Variants in ZNF569 observed in about 807,000 individuals in gnomAD.
ZNF569 encodes the protein zinc finger protein 569.
ZNF569 carries 38 observed loss-of-function variants against 56.3 expected under a neutral mutation model. That is an observed-to-expected ratio of 0.68 (90% CI 0.52 to 0.88). The LOEUF is 0.88. Ranked by LOEUF, ZNF569 falls within the 40% of genes least tolerant of loss-of-function variation. The pLI, the probability that ZNF569 is intolerant of heterozygous loss-of-function variation, is 0.00. For synonymous variants in ZNF569, 241 were observed against 262.9 expected (o/e 0.92, Z 0.81); for missense variants, 666 against 809.2 (o/e 0.82, Z 2.15).
At chr19:37,424,080 A>G (rs924447231) in intron 5 of ZNF569, among the ~76,000 whole-genome samples, 3 of 152,162 alleles carry the variant, frequency 2.0e-5, no homozygotes, top group Non-Finnish European at 4.4e-5. Flanking sequence ...AGAAAATGGG[A>G]GCTACCAAAA....
At chr19:37,461,230 A>G (rs1216894159) in intron 2 of ZNF569, among the ~76,000 whole-genome samples, 2 of 152,130 alleles carry the variant, frequency 1.3e-5, no homozygotes, top group East Asian at 3.8e-4. Flanking sequence ...TAATGGGTCT[A>G]GTTAGTAATC....
intron 3 of ZNF569, among the ~76,000 whole-genome samples, chr19:37,432,860 C>T (rs1439416807): frequency 1.3e-5 from 2 of 148,984 alleles, no homozygotes; most frequent in Non-Finnish European, 1.5e-5. Flanking sequence ...AGCCGAAATT[C>T]TGGAGCTGAA....
chr19:37,421,739 G>A (rs2041038979), intron 5 of ZNF569, among the ~76,000 whole-genome samples: 2 of 146,216 alleles, frequency 1.4e-5, no homozygotes, highest in South Asian at 4.3e-4. Flanking sequence ...ATACTGTAGT[G>A]GCACTTTTTT....
chr19:37,469,134 G>A (rs2041906324), upstream of ZNF569: 3 of 1,109,032 alleles, frequency 2.7e-6, no homozygotes, highest in South Asian at 2.6e-5. Flanking sequence ...GAGCTGCAGG[G>A]AATCCGGACT....
intron 5 of ZNF569, among the ~76,000 whole-genome samples, chr19:37,416,707 G>A (rs968341353): frequency 6.6e-6 from 1 of 151,768 alleles, no homozygotes; most frequent in Non-Finnish European, 1.5e-5. Context: ...TTTTCAATTT[G>A]TAGTTGCAGA....
intron 5 of ZNF569, among the ~76,000 whole-genome samples, chr19:37,414,803 C>T (rs1333734291): frequency 4.6e-5 from 7 of 152,204 alleles, no homozygotes; most frequent in Non-Finnish European, 8.8e-5. Context: ...TATTAAAATA[C>T]ATTTTTATAA....
chr19:37,443,943 G>A (rs533876826), intron 3 of ZNF569, among the ~76,000 whole-genome samples: 9 of 152,006 alleles, frequency 5.9e-5, no homozygotes, highest in East Asian at 1.9e-4. Context: ...ACTTGAACCC[G>A]GGAGGCAGAG....
intron 5 of ZNF569, among the ~76,000 whole-genome samples, chr19:37,419,797 TTAA>T (rs2040999448): frequency 6.6e-6 from 1 of 152,044 alleles, no homozygotes; most frequent in African/African-American, 2.4e-5. Flanking sequence ...AATGTACACC[TTAA>T]TTTTAAAATA....
chr19:37,458,420 C>T (rs1024653869), intron 2 of ZNF569, among the ~76,000 whole-genome samples: 3 of 152,192 alleles, frequency 2.0e-5, no homozygotes, highest in Non-Finnish European at 2.9e-5. Context: ...CTGTATATTA[C>T]GTTTCCATGC....
intron 5 of ZNF569, among the ~76,000 whole-genome samples, chr19:37,418,058 G>T (rs772861361): frequency 1.3e-5 from 2 of 151,316 alleles, no homozygotes; most frequent in African/African-American, 4.9e-5. Flanking sequence ...CCAAGATCGC[G>T]CCACTGTACT....
chr19:37,416,568 A>C (rs570427448), intron 5 of ZNF569, among the ~76,000 whole-genome samples: 24 of 152,262 alleles, frequency 1.6e-4, no homozygotes, highest in African/African-American at 5.5e-4. Context: ...ACTTTAAATA[A>C]TCTCCAGATT....
chr19:37,452,979 G>A (rs1378311476), intron 2 of ZNF569, among the ~76,000 whole-genome samples: 1 of 151,974 alleles, frequency 6.6e-6, no homozygotes, highest in African/African-American at 2.4e-5. Flanking sequence ...ACCCACTTAA[G>A]CCTTCTTCAC....
At chr19:37,452,967 T>C (rs911770590) in intron 2 of ZNF569, among the ~76,000 whole-genome samples, 1 of 152,186 alleles carries the variant, frequency 6.6e-6, no homozygotes, top group Non-Finnish European at 1.5e-5. Flanking sequence ...TGGTATTCTA[T>C]AACCCACTTA....
At chr19:37,452,315 A>T (rs2041607392) in intron 2 of ZNF569, among the ~76,000 whole-genome samples, 2 of 152,242 alleles carry the variant, frequency 1.3e-5, no homozygotes, top group Admixed American at 1.3e-4. Context: ...CTTTCATAGT[A>T]GAATTAAAAG....
At chr19:37,445,445 C>G (rs183810140) in intron 2 of ZNF569, among the ~76,000 whole-genome samples, 4 of 152,108 alleles carry the variant, frequency 2.6e-5, no homozygotes, top group Non-Finnish European at 5.9e-5. Flanking sequence ...TTTTCCCTAG[C>G]CAGAGCAATC....
intron 3 of ZNF569, among the ~76,000 whole-genome samples, chr19:37,439,195 T>TGA (rs2041363530): frequency 6.6e-6 from 1 of 152,160 alleles, no homozygotes; most frequent in Non-Finnish European, 1.5e-5. Flanking sequence ...CTCAGCCTCC[T>TGA]GAGTAGCTGG....
intron 3 of ZNF569, among the ~76,000 whole-genome samples, chr19:37,444,201 T>C (rs2041455235): frequency 6.6e-6 from 1 of 152,224 alleles, no homozygotes; most frequent in South Asian, 2.1e-4. Context: ...TTCATGCTGT[T>C]TCACAGTAAA....
intron 2 of ZNF569, among the ~76,000 whole-genome samples, chr19:37,448,866 G>A (rs187879647): frequency 6.6e-6 from 1 of 151,934 alleles, no homozygotes; most frequent in African/African-American, 2.4e-5. Flanking sequence ...TTTAATATCC[G>A]TTTCCTTTTG....
At position 37,444,969 on chromosome 19, in the gene ZNF569, G is replaced by A. The variant is rs1326917307; in HGVS notation, c.-43-5C>T. 4 of 1,598,338 alleles carry A rather than the reference G, an allele frequency of 2.5e-6. No individual in the cohort carries two copies. Among genetic ancestry groups the A allele is most frequent in the African/African-American group, 2.7e-5 (2 of 73,936 alleles). On this transcript the variant is annotated splice_polypyrimidine_tract_variant and splice_region_variant and intron_variant, in intron 2 of 5. Coordinates refer to ENST00000316950, the MANE Select transcript of ZNF569 (RefSeq NM_152484.3). ...ATGGGGCCTGCAGAAGTAGAGCTGG[G>A]GAAGAGAATAAAAGTCATTAAAATA...
Sources: allele counts gnomAD v4.1 joint callset (sites outside exome capture counted in the v4.1 genomes callset), GRCh38; gene constraint gnomAD v4.1.1; transcripts MANE v1.5; gene names NCBI Gene and HGNC (gene_info 2026-07-23, HGNC 2026-07-21).